PRSS23: variants seen among roughly 807,000 people sequenced by gnomAD.
PRSS23 encodes the protein protease, serine 23.
A neutral mutation model predicts 34.7 loss-of-function variants in PRSS23; 25 were observed. The ratio of observed to expected loss-of-function variants is 0.72; its 90% CI spans 0.53 to 1.01. PRSS23 has a LOEUF of 1.01. PRSS23 is among the 50% of genes least tolerant of loss of function. The pLI is 0.00. For missense variants in PRSS23, 445 were observed against 475.6 expected (o/e 0.94, Z 0.60); for synonymous variants, 176 against 186.6 (o/e 0.94, Z 0.46).
intron 2 of PRSS23, among the ~76,000 whole-genome samples, chr11:86,845,627 A>G (rs1244035920): frequency 6.6e-6 from 1 of 152,168 alleles, no homozygotes; most frequent in African/African-American, 2.4e-5. Flanking sequence ...ATCAGGACTT[A>G]CTTCAGTCCT....
At chr11:86,815,708 A>G (rs935404501), downstream of PRSS23, among the ~76,000 whole-genome samples, 2 of 152,214 alleles carry the variant, frequency 1.3e-5, no homozygotes, top group African/African-American at 4.8e-5. Flanking sequence ...CCCATGGTCT[A>G]GCACAGGAAA....
intron 2 of PRSS23, among the ~76,000 whole-genome samples, chr11:86,904,931 C>A (rs1258962084): frequency 6.6e-6 from 1 of 152,034 alleles, no homozygotes; most frequent in Non-Finnish European, 1.5e-5. Flanking sequence ...TGGTGCATGC[C>A]TGTAGTCCCA....
At chr11:86,927,286 G>A (rs907194114) in intron 2 of PRSS23, among the ~76,000 whole-genome samples, 5 of 152,084 alleles carry the variant, frequency 3.3e-5, no homozygotes, top group Admixed American at 3.3e-4. Context: ...TTGCATCTTA[G>A]GGAGAAGACA....
intron 2 of PRSS23, among the ~76,000 whole-genome samples, chr11:86,835,713 G>A (rs1948399865): frequency 6.6e-6 from 1 of 152,120 alleles, no homozygotes. Flanking sequence ...GGGCCCTGGT[G>A]CCTTTGGATA....
rs1254647785 is a variant in PRSS23 at position 86,809,713 on chromosome 11, C to T, written c.*918C>T. ...AGCATTTTACCCCTGGATTATAGCA[C>T]ATCTCATGTTTTATCATTTGGATGG... is the stretch of plus-strand genomic sequence containing the variant. On this transcript the variant is annotated 3_prime_UTR_variant, in exon 2 of 2. Coordinates refer to ENST00000280258, the MANE Select transcript of PRSS23 (RefSeq NM_007173.6). 6.0e-6 allele frequency: 1 copy of T among 166,980 alleles called. No homozygotes were observed. Among genetic ancestry groups the T allele is most frequent in the Non-Finnish European group, 1.5e-5 (1 of 68,112 alleles). The allele number at this position is 166,980 out of a possible 1,614,324, so 10.3% of individuals were successfully genotyped here.
rs1194144663 is a variant in PRSS23 at position 86,879,662 on chromosome 11, C to G, written c.206+56069C>G. On this transcript the variant is annotated intron_variant, in intron 2 of 2. Transcript: ENST00000533902. Reference sequence around the variant, plus strand: ...CCTCTGCCCGGCCAGCCGCCCCGTCCGGGAAGGAGGTGGGGGGGTCAGCCC... The same window carrying G: ...CCTCTGCCCGGCCAGCCGCCCCGTCGGGGAAGGAGGTGGGGGGGTCAGCCC... Among the ~76,000 whole-genome samples the G allele has an allele frequency of 6.0e-5, 7 of 116,042 alleles. No homozygotes were observed. In the South Asian group the frequency reaches 1.2e-3, roughly 20 times the overall value. The allele number at this position is 116,042 out of a possible 152,430, so 76.1% of individuals were successfully genotyped here. A position where few individuals can be genotyped will look rare whatever the true frequency, so the allele number is the denominator to read the frequency against.
intron 2 of PRSS23, among the ~76,000 whole-genome samples, chr11:86,859,582 A>C (rs1013787111): frequency 3.3e-5 from 5 of 151,840 alleles, no homozygotes; most frequent in Admixed American, 2.6e-4. Flanking sequence ...ATTAAGGGTG[A>C]GGGGGGAAGG....
intron 2 of PRSS23, among the ~76,000 whole-genome samples, chr11:86,864,089 A>G (rs1337950451): frequency 1.3e-5 from 2 of 152,228 alleles, no homozygotes; most frequent in East Asian, 1.9e-4. Context: ...CAACAACTCT[A>G]TGAGGTAATT....
At chr11:86,847,946 C>T (rs1161041619) in intron 2 of PRSS23, among the ~76,000 whole-genome samples, 1 of 152,152 alleles carries the variant, frequency 6.6e-6, no homozygotes, top group East Asian at 1.9e-4. Context: ...AGGGCCTCTT[C>T]CCTCAGCCCC....
At chr11:86,812,720 G>A (rs574393649), downstream of PRSS23, among the ~76,000 whole-genome samples, 136 of 150,046 alleles carry the variant, frequency 9.1e-4, no homozygotes, top group African/African-American at 2.9e-3. Flanking sequence ...ACTAGGAGTC[G>A]GAGATTGCAA....
upstream of PRSS23, among the ~76,000 whole-genome samples, chr11:86,797,526 C>A (rs566134787): frequency 7.9e-5 from 12 of 152,288 alleles, no homozygotes; most frequent in Admixed American, 6.5e-4. Context: ...GGATAGTGGG[C>A]GGTAGTCCCT....
In PRSS23 at chr11:86,952,071, G is replaced by A. The variant is rs1299776495; in HGVS notation, c.*786G>A. The A allele has an allele frequency of 7.4e-6, 12 of 1,613,960 alleles. No homozygotes were observed. Among genetic ancestry groups the A allele is most frequent in the Admixed American group, 1.7e-5 (1 of 60,010 alleles). ...GTGAAGGCAGTGGAGATGAAACACA[G>A]GCTGGCCCACACAGCCATCCAGATA... On this transcript the variant is annotated 3_prime_UTR_variant, in exon 3 of 3. Coordinates refer to the PRSS23 transcript ENST00000533902.
intron 2 of PRSS23, among the ~76,000 whole-genome samples, chr11:86,856,693 G>T (rs1205528614): frequency 6.6e-6 from 1 of 152,122 alleles, no homozygotes; most frequent in East Asian, 1.9e-4. Flanking sequence ...TGGTGTTGGA[G>T]GACATGCTGC....
At chr11:86,939,421 T>TAC (rs1949189525) in intron 2 of PRSS23, among the ~76,000 whole-genome samples, 1 of 99,722 alleles carries the variant, frequency 1.0e-5, no homozygotes, top group South Asian at 3.2e-4. Flanking sequence ...TATATATATA[T>TAC]ATATATTTTT....
intron 1 of PRSS23, among the ~76,000 whole-genome samples, chr11:86,801,195 G>T (rs554409311): frequency 2.2e-3 from 330 of 152,340 alleles, no homozygotes; most frequent in Non-Finnish European, 4.0e-3. Context: ...GTGGTTGTCC[G>T]TGTGCGTTCC....
At chr11:86,801,846 A>G (rs942762707) in intron 1 of PRSS23, among the ~76,000 whole-genome samples, 1 of 152,228 alleles carries the variant, frequency 6.6e-6, no homozygotes, top group South Asian at 2.1e-4. Context: ...TTTGCACCCC[A>G]TCTGCGTACG....
rs568006094 is a variant in PRSS23, at chr11:86,855,960, G to A, written c.206+32367G>A. On this transcript the variant is annotated intron_variant, in intron 2 of 2. Transcript: ENST00000533902. ...TTTAGGCTGAATAATACATCATTGTGTGTGTATACCACAGTTTTTTAATTG... is the reference window on the plus strand; with the variant it reads ...TTTAGGCTGAATAATACATCATTGTATGTGTATACCACAGTTTTTTAATTG... Among the ~76,000 whole-genome samples the A allele has an allele frequency of 7.9e-5, 12 of 152,282 alleles. No individual in the cohort carries two copies. In the South Asian group the frequency reaches 2.5e-3, roughly 32 times the overall value.
chr11:86,945,830 A>C (rs1949237968), intron 2 of PRSS23: 1 of 152,634 alleles, frequency 6.6e-6, no homozygotes, highest in African/African-American at 2.4e-5. Context: ...TTTGAAATTT[A>C]GCAATTCATT....
chr11:86,829,757 A>G (rs1265344700), intron 2 of PRSS23, among the ~76,000 whole-genome samples: 1 of 152,258 alleles, frequency 6.6e-6, no homozygotes, highest in African/African-American at 2.4e-5. Flanking sequence ...GGTCCACTGC[A>G]GACCCTGTTT....
Sources: gnomAD v4.1 joint callset for allele counts (sites outside exome capture counted in the v4.1 genomes callset) on GRCh38, gnomAD v4.1.1 for gene constraint, MANE v1.5 for transcripts, NCBI Gene and HGNC (gene_info 2026-07-23, HGNC 2026-07-21) for gene names.